C9: variants seen among roughly 807,000 people sequenced by gnomAD.
C9 encodes complement component C9.
C9 carries 63 observed loss-of-function variants against 65.4 expected under a neutral mutation model. The ratio of observed to expected loss-of-function variants is 0.96; its 90% confidence interval spans 0.79 to 1.19. The LOEUF is 1.19. C9 is among the 50% of genes most tolerant of loss of function. C9 has a pLI of 0.00. For synonymous variants in C9, 229 were observed against 227.9 expected (o/e 1.00, Z -0.04); for missense variants, 744 against 670.1 (o/e 1.11, Z -1.22).
chr5:39,357,290 C>T (rs1456034713), intron 1 of C9, among the ~76,000 whole-genome samples: 1 of 152,148 alleles, frequency 6.6e-6, no homozygotes, highest in Admixed American at 6.5e-5. Context: ...ACATTTTTAA[C>T]CAATGGATTT....
In C9 at chr5:39,342,154, G is replaced by T; in HGVS notation, c.120C>A (p.His40Gln). ...TCCAGGGGCTCATTCTGCAGTCTAT[G>T]TGTGATGCAGAGCCACTGCTTTCTG... ...ELTESSGSAS[H>Q]IDCRMSPWSE... The change falls in exon 2 of 11, where the codon CAC becomes CAA. Residue 40 changes from histidine (H) to glutamine (Q), a missense_variant. Transcript: ENST00000263408. The T allele has an allele frequency of 1.9e-6, 3 of 1,608,600 alleles. No homozygotes were observed. The highest frequency in any genetic ancestry group is 2.2e-5 in the South Asian group (2 of 90,978).
chr5:39,315,251 C>G (rs939624018), intron 6 of C9, among the ~76,000 whole-genome samples: 3 of 151,978 alleles, frequency 2.0e-5, no homozygotes, highest in African/African-American at 7.3e-5. Context: ...ATATTTATTC[C>G]AAGAGTGGTA....
intron 1 of C9, among the ~76,000 whole-genome samples, chr5:39,343,334 C>T (rs1579872802): frequency 1.3e-5 from 2 of 152,200 alleles, no homozygotes; most frequent in Admixed American, 1.3e-4. Context: ...CACCCCAATA[C>T]TGTGCTTTTC....
In C9 at chr5:39,341,284, A is replaced by C. The variant is rs1754076302; in HGVS notation, c.338T>G (p.Ile113Arg). 1 of 1,614,044 alleles carries C rather than the reference A, an allele frequency of 6.2e-7. No individual in the cohort carries two copies. Among genetic ancestry groups the C allele is most frequent in the Non-Finnish European group, 8.5e-7 (1 of 1,180,006 alleles). ...ACCATTACACCGAAGTCGCATCTTT[A>C]TGCATCTGCCTGCAATCAAAATCAG... ...NDFQCSTGRC[I>R]KMRLRCNGDN... Residue 113 changes from isoleucine to arginine, a missense_variant, in exon 4 of 11, where the codon ATA (isoleucine) becomes AGA (arginine). Physicochemically the swap from Ile to Arg is moderately conservative, Grantham distance 97. Coordinates refer to ENST00000263408, the MANE Select transcript of C9 (RefSeq NM_001737.5).
intron 4 of C9, among the ~76,000 whole-genome samples, chr5:39,336,608 T>C (rs1291206419): frequency 1.3e-5 from 2 of 152,116 alleles, no homozygotes. Flanking sequence ...AATATGTTGG[T>C]TCCCACATCC....
chr5:39,351,067 C>A (rs1754313248), intron 1 of C9, among the ~76,000 whole-genome samples: 1 of 152,220 alleles, frequency 6.6e-6, no homozygotes, highest in Non-Finnish European at 1.5e-5. Flanking sequence ...CCCTTCTGTG[C>A]ACCTGCAGGC....
At chr5:39,313,255 T>G (rs1171380254) in intron 6 of C9, among the ~76,000 whole-genome samples, 1 of 152,176 alleles carries the variant, frequency 6.6e-6, no homozygotes, top group Non-Finnish European at 1.5e-5. Context: ...TTTTGAATTC[T>G]CCCCTTCCCT....
At chr5:39,327,678 C>G (rs1374431433) in intron 5 of C9, among the ~76,000 whole-genome samples, 2 of 151,968 alleles carry the variant, frequency 1.3e-5, no homozygotes, top group African/African-American at 2.4e-5. Context: ...GCATCTAGTT[C>G]AGAGAGAGAT....
intron 6 of C9, 100 bp downstream of exon 6, chr5:39,315,675 G>T: frequency 1.1e-6 from 1 of 892,548 alleles, no homozygotes; most frequent in Non-Finnish European, 1.7e-6. Flanking sequence ...TTTGATCCAT[G>T]TTTCTTTTCC....
At chr5:39,352,257 G>A (rs1403350114) in intron 1 of C9, among the ~76,000 whole-genome samples, 1 of 152,142 alleles carries the variant, frequency 6.6e-6, no homozygotes, top group African/African-American at 2.4e-5. Context: ...CAACACATGG[G>A]AATTACAATT....
At chr5:39,342,999 T>TA (rs1666756874) in intron 1 of C9, among the ~76,000 whole-genome samples, 1 of 152,180 alleles carries the variant, frequency 6.6e-6, no homozygotes, top group African/African-American at 2.4e-5. Context: ...TCCCTACCTC[T>TA]ACTTGCCTGA....
intron 4 of C9, among the ~76,000 whole-genome samples, chr5:39,333,928 G>A (rs926771307): frequency 6.6e-6 from 1 of 152,210 alleles, no homozygotes; most frequent in South Asian, 2.1e-4. Flanking sequence ...ATGGTGCCCA[G>A]GCTGGAGTGC....
chr5:39,331,542 C>T lies in C9; in HGVS notation c.615+134G>A, dbSNP rs916140086. On this transcript the variant is annotated intron_variant, in intron 5 of 10. Transcript: ENST00000263408. ...GTTTCTAAAGAGATCCAAACTACATCGCCTCTTCTTTAAGTCTTGTGTTCA... is the reference window on the plus strand; with the variant it reads ...GTTTCTAAAGAGATCCAAACTACATTGCCTCTTCTTTAAGTCTTGTGTTCA... The T allele has an allele frequency of 2.0e-5, 16 of 781,824 alleles. No individual in the cohort carries two copies. The East Asian group carries it at 2.6e-4, about 13-fold the overall frequency. 48.4% of individuals were successfully genotyped at this position (781,824 alleles called of 1,614,324 possible).
chr5:39,294,657 T>C (rs1753152176), intron 9 of C9, among the ~76,000 whole-genome samples: 1 of 151,768 alleles, frequency 6.6e-6, no homozygotes, highest in Non-Finnish European at 1.5e-5. Flanking sequence ...TAACACTAAT[T>C]CTTCTCAAAA....
intron 4 of C9, among the ~76,000 whole-genome samples, chr5:39,333,616 T>TGTTCTCCCCTCTCCCTCTCTTTCCAC (rs1753888004): frequency 7.2e-6 from 1 of 138,146 alleles, no homozygotes; most frequent in Non-Finnish European, 1.6e-5. Flanking sequence ...CCCCTTTCCA[T>TGTTCTCCCCTCTCCCTCTCTTTCCAC]GGTCTCCCCT....
intron 4 of C9, among the ~76,000 whole-genome samples, chr5:39,335,497 A>G (rs918573840): frequency 2.6e-5 from 4 of 152,212 alleles, no homozygotes; most frequent in Non-Finnish European, 5.9e-5. Flanking sequence ...ATAAGCACGT[A>G]CAAACTTTTT....
chr5:39,362,329 A>G (rs1052690673), intron 1 of C9, among the ~76,000 whole-genome samples: 2 of 152,234 alleles, frequency 1.3e-5, no homozygotes, highest in African/African-American at 4.8e-5. Flanking sequence ...TTTTATAAAG[A>G]CATACACAAT....
At chr5:39,334,951 C>G (rs572966744) in intron 4 of C9, among the ~76,000 whole-genome samples, 172 of 148,914 alleles carry the variant, frequency 1.2e-3, no homozygotes, top group Non-Finnish European at 2.2e-3. Flanking sequence ...ACATGGGAGA[C>G]TTTTCATTTT....
intron 4 of C9, among the ~76,000 whole-genome samples, chr5:39,333,109 A>G (rs757983289): frequency 3.3e-5 from 5 of 152,242 alleles, no homozygotes; most frequent in Non-Finnish European, 7.3e-5. Context: ...AATTAGACCT[A>G]TTAATTTGAA....
Sources: gnomAD v4.1 joint callset for allele counts (sites outside exome capture counted in the v4.1 genomes callset) on GRCh38, gnomAD v4.1.1 for gene constraint, MANE v1.5 for transcripts, NCBI Gene and HGNC (gene_info 2026-07-23, HGNC 2026-07-21) for gene names.